FLI1: variants seen among roughly 807,000 people sequenced by gnomAD.
FLI1 encodes the protein Friend leukemia integration 1 transcription factor.
In FLI1, 13 loss-of-function variants were observed where a neutral mutation model predicts 53.1. That is an observed-to-expected ratio of 0.24 (90% CI 0.16 to 0.39). The LOEUF (loss-of-function observed/expected upper bound fraction) is 0.39, where lower values mean the gene tolerates loss of function less well. Ranked by LOEUF, FLI1 falls within the 10% of genes least tolerant of loss-of-function variation. The pLI, the probability that FLI1 is intolerant of heterozygous loss-of-function variation, is 1.00. For missense variants in FLI1, 424 were observed against 600.5 expected (o/e 0.71, Z 3.07); for synonymous variants, 244 against 236.7 (o/e 1.03, Z -0.28).
At chr11:128,720,512 C>A (rs1252491642) in intron 1 of FLI1, among the ~76,000 whole-genome samples, 1 of 152,138 alleles carries the variant, frequency 6.6e-6, no homozygotes, top group Non-Finnish European at 1.5e-5. Flanking sequence ...GGTGGGGAGG[C>A]CAAGCCGGGC....
chr11:128,727,799 A>T (rs911221642), intron 1 of FLI1, among the ~76,000 whole-genome samples: 1 of 152,212 alleles, frequency 6.6e-6, no homozygotes, highest in African/African-American at 2.4e-5. Context: ...GTTCCAGCAC[A>T]CCACTGCATC....
intron 1 of FLI1, among the ~76,000 whole-genome samples, chr11:128,755,340 G>A (rs757487247): frequency 6.6e-6 from 1 of 152,216 alleles, no homozygotes; most frequent in Non-Finnish European, 1.5e-5. Flanking sequence ...AACTAAGAAC[G>A]TAAGCCATTC....
rs2135809758 is a variant in FLI1, at chr11:128,758,004, G to A, written c.19-111G>A. 4 of 908,180 alleles carry A rather than the reference G, an allele frequency of 4.4e-6. No homozygotes were observed. The African/African-American group carries it at 6.7e-5, about 15-fold the overall frequency. 56.3% of individuals were successfully genotyped at this position (908,180 alleles called of 1,614,324 possible). A position where few individuals can be genotyped will look rare whatever the true frequency, so the allele number is the denominator to read the frequency against. On this transcript the variant is annotated intron_variant, in intron 1 of 8. Transcript: ENST00000527786. ...AGTGTGAGTCAAACAGGAACTTCCA[G>A]ACAAGCTGTCCTGGGGCAGCCCTGG...
rs1040346749 is a variant in FLI1 at position 128,810,343 on chromosome 11, A to G, written c.830-116A>G. 1.9e-6 allele frequency: 2 copies of G among 1,051,608 alleles called. No homozygotes were observed. Among genetic ancestry groups the G allele is most frequent in the African/African-American group, 3.2e-5 (2 of 61,836 alleles). 65.1% of individuals were successfully genotyped at this position (1,051,608 alleles called of 1,614,324 possible). A position where few individuals can be genotyped will look rare whatever the true frequency, so the allele number is the denominator to read the frequency against. ...GCTTGTCAAGTCGATCCCAATGTCG[A>G]AGGAAACAAAAGGTTTCTTTAAAAG... is the stretch of plus-strand genomic sequence containing the variant. On this transcript the variant is annotated intron_variant, in intron 8 of 8. Coordinates refer to ENST00000527786, the MANE Select transcript of FLI1 (RefSeq NM_002017.5). The surrounding 1 kb of genome is among the most constrained non-coding windows in gnomAD (Gnocchi z 6.6).
At chr11:128,721,221 C>T (rs1473042889) in intron 1 of FLI1, among the ~76,000 whole-genome samples, 1 of 152,324 alleles carries the variant, frequency 6.6e-6, no homozygotes, top group East Asian at 1.9e-4. Context: ...ATGCCTTCTT[C>T]TGCTGCCTTG....
Position 128,805,410 on chromosome 11 carries a change from A to C in FLI1, c.700A>C (p.Met234Leu). 1 of 1,585,104 alleles carries C rather than the reference A, an allele frequency of 6.3e-7. No homozygotes were observed. The highest frequency in any genetic ancestry group is 8.6e-7 in the Non-Finnish European group (1 of 1,162,588). Reference sequence around the variant, plus strand: ...CAGAAGAGGAGCTTGGGGCAATAACATGAATTCTGGCCTCAACAAAAGTAA... The same window carrying C: ...CAGAAGAGGAGCTTGGGGCAATAACCTGAATTCTGGCCTCAACAAAAGTAA... ...SVRRGAWGNN[M>L]NSGLNKSPPL... Residue 234 changes from methionine to leucine, a missense_variant, in exon 6 of 9, where the codon ATG becomes CTG. Met to Leu is a conservative substitution (Grantham distance 15). Coordinates refer to ENST00000527786, the MANE Select transcript of FLI1 (RefSeq NM_002017.5).
chr11:128,714,224 A>G (rs1938911037), intron 1 of FLI1, among the ~76,000 whole-genome samples: 1 of 152,134 alleles, frequency 6.6e-6, no homozygotes, highest in African/African-American at 2.4e-5. Flanking sequence ...AAAAAAAAAA[A>G]AACGGCAACT....
At chr11:128,776,081 A>G (rs1440363211) in intron 4 of FLI1, among the ~76,000 whole-genome samples, 3 of 152,218 alleles carry the variant, frequency 2.0e-5, no homozygotes, top group Non-Finnish European at 2.9e-5. Context: ...TTGACTATTT[A>G]TTCTGGTGGT....
In FLI1 at chr11:128,809,160, C is replaced by T. The variant is rs772919605; in HGVS notation, c.785C>T (p.Pro262Leu). ...ATTTCCTTTTTTATTTCCTTAGATC[C>T]GTATCAGATCCTGGGCCCGACCAGC... ...KNTEQRPQPD[P>L]YQILGPTSSR... The change falls in exon 8 of 9, where the codon CCG (proline) becomes CTG (leucine). Residue 262 changes from proline to leucine, a missense_variant. Physicochemically the swap from Pro to Leu is moderately conservative, Grantham distance 98 (BLOSUM62 -3). Around this residue, in one of 5 missense-constraint regions of FLI1, gnomAD observed 71 missense variants for 174.2 expected, o/e 0.41. Coordinates refer to ENST00000527786, the MANE Select transcript of FLI1 (RefSeq NM_002017.5). 4.3e-6 allele frequency: 7 copies of T among 1,613,426 alleles called. No homozygotes were observed. Among genetic ancestry groups the T allele is most frequent in the East Asian group, 2.2e-5 (1 of 44,892 alleles).
chr11:128,694,226 A>G lies in FLI1; in HGVS notation c.-33A>G. 1.3e-6 allele frequency: 2 copies of G among 1,511,510 alleles called. No individual in the cohort carries two copies. Among genetic ancestry groups the G allele is most frequent in the Admixed American group, 2.3e-5 (1 of 44,416 alleles). 93.6% of individuals were successfully genotyped at this position (1,511,510 alleles called of 1,614,324 possible). The stretch of plus-strand genomic sequence containing the variant: ...AGGCTGTAACCGGGTCAATGTGTGG[A>G]ATATTGGGGGGCTCGGCTGCAGACT... On this transcript the variant is annotated 5_prime_UTR_variant, in exon 1 of 9. Coordinates refer to ENST00000527786, the MANE Select transcript of FLI1 (RefSeq NM_002017.5).
At chr11:128,712,966 G>A (rs1938850148) in intron 1 of FLI1, among the ~76,000 whole-genome samples, 2 of 152,212 alleles carry the variant, frequency 1.3e-5, no homozygotes, top group Admixed American at 1.3e-4. Context: ...CTCATGGGGA[G>A]ATCTGACTTC....
chr11:128,763,997 G>A (rs902583493), intron 2 of FLI1, among the ~76,000 whole-genome samples: 2 of 152,166 alleles, frequency 1.3e-5, no homozygotes, highest in South Asian at 2.1e-4. Flanking sequence ...GGAGTTACAC[G>A]CCGCGGGTCC....
At chr11:128,784,260 C>G in intron 5 of FLI1, among the ~76,000 whole-genome samples, 1 of 118,320 alleles carries the variant, frequency 8.5e-6, no homozygotes, top group East Asian at 2.8e-4. Context: ...CCTCCTCCTC[C>G]TCCTCCTCCT....
At chr11:128,699,520 C>CT (rs1471268386) in intron 1 of FLI1, among the ~76,000 whole-genome samples, 2 of 152,116 alleles carry the variant, frequency 1.3e-5, no homozygotes, top group African/African-American at 2.4e-5. Flanking sequence ...GCCACAATAG[C>CT]TTTTTTCGTA....
intron 4 of FLI1, among the ~76,000 whole-genome samples, chr11:128,776,239 G>GC (rs1445169895): frequency 6.6e-6 from 1 of 152,212 alleles, no homozygotes; most frequent in East Asian, 1.9e-4. Flanking sequence ...GGGCGTGTCA[G>GC]CTGTGCCAGA....
chr11:128,686,588 G>C (rs1476427724), exon 1 of FLI1: 7 of 411,018 alleles, frequency 1.7e-5, no homozygotes, highest in Non-Finnish European at 3.5e-5. Flanking sequence ...TCTCTCCCTC[G>C]CTCCACTCGC....
intron 5 of FLI1, among the ~76,000 whole-genome samples, chr11:128,798,448 C>G (rs1238076414): frequency 6.6e-6 from 1 of 152,322 alleles, no homozygotes; most frequent in South Asian, 2.1e-4. Context: ...TGCCACTTCA[C>G]TCTCCACGCT....
chr11:128,740,465 C>G (rs542564934), intron 1 of FLI1, among the ~76,000 whole-genome samples: 1 of 152,234 alleles, frequency 6.6e-6, no homozygotes, highest in African/African-American at 2.4e-5. Context: ...TATGGTCAAC[C>G]TTGTTTCTCC....
chr11:128,737,776 T>C (rs1939967518), intron 1 of FLI1, among the ~76,000 whole-genome samples: 1 of 152,190 alleles, frequency 6.6e-6, no homozygotes, highest in South Asian at 2.1e-4. Flanking sequence ...CCAGTTACTT[T>C]TGTTGTGAGG....
Sources: gnomAD v4.1 joint callset for allele counts (sites outside exome capture counted in the v4.1 genomes callset) on GRCh38, gnomAD v4.1.1 for gene constraint, gnomAD v4.1.1 regional missense constraint, Gnocchi (gnomAD v3.1) non-coding constraint, MANE v1.5 for transcripts, NCBI Gene and HGNC (gene_info 2026-07-23, HGNC 2026-07-21) for gene names.